FBH1: variants seen among roughly 807,000 people sequenced by gnomAD.
FBH1 encodes the protein DNA 3'-5' helicase 1.
FBH1 carries 43 observed loss-of-function variants against 115.5 expected under a neutral mutation model. The observed-to-expected ratio is 0.37, with a 90% CI of 0.29 to 0.48. The LOEUF (loss-of-function observed/expected upper bound fraction) is 0.48. Among genes scored for constraint, FBH1 ranks in the 20% least tolerant of loss-of-function variants. The pLI, the probability that FBH1 is intolerant of heterozygous loss-of-function variation, is 0.99. For missense variants in FBH1, 1,001 were observed against 1,337.3 expected (o/e 0.75, Z 3.92); for synonymous variants, 524 against 507.8 (o/e 1.03, Z -0.43).
intron 1 of FBH1, chr10:5,893,947 T>C: frequency 1.0e-6 from 1 of 976,904 alleles, no homozygotes; most frequent in Non-Finnish European, 1.2e-6. Flanking sequence ...ATCTTTCTCT[T>C]GTTTTTCAAA....
At position 5,932,716 on chromosome 10, in the gene FBH1, T is replaced by C. The variant is rs547458986; in HGVS notation, c.2830-3740T>C. 2.6e-5 allele frequency among the ~76,000 whole-genome samples: 4 copies of C among 152,050 alleles called. No individual in the cohort carries two copies. In the South Asian group the frequency reaches 8.3e-4, roughly 32 times the overall value. ...AAATGCAAGTGTGACTTTTCTGTTG[T>C]TTTGTTTTGTTTTGTTTTTGAGACA... On this transcript the variant is annotated intron_variant, in intron 19 of 20. Coordinates refer to ENST00000362091, the MANE Select transcript of FBH1 (RefSeq NM_178150.3). The surrounding 1 kb of genome is among the most constrained non-coding windows in gnomAD (Gnocchi z 5.9).
At chr10:5,901,377 T>C (rs621628) in intron 1 of FBH1, among the ~76,000 whole-genome samples, 67,551 of 151,436 alleles carry the variant, frequency 0.45, 15,894 homozygotes, top group East Asian at 0.68. Flanking sequence ...AGGCTGGTCT[T>C]GAACTCCTGA....
chr10:5,919,194 A>G lies in FBH1; in HGVS notation c.2100+716A>G, dbSNP rs138613690. Among the ~76,000 whole-genome samples, 1,112 of 152,316 alleles carry G rather than the reference A, an allele frequency of 7.3e-3. 13 individuals are homozygous for G. Among genetic ancestry groups the G allele is most frequent in the African/African-American group, 0.026 (1,062 of 41,558 alleles). ...AATATGTTCTTTATGTCATCATATA[A>G]GAGGCTTTTGGCTGGGCATGGTGGC... is the stretch of plus-strand genomic sequence containing the variant. On this transcript the variant is annotated intron_variant, in intron 13 of 20. Coordinates refer to ENST00000362091, the MANE Select transcript of FBH1 (RefSeq NM_178150.3).
Position 5,936,307 on chromosome 10 carries a change from A to G in FBH1, c.2830-149A>G, listed in dbSNP as rs921486073. ...TTTGGAGGCAGGGAAAAGTTAGAGG[A>G]AGTAAGGGAGAACGGGTTAGGCGGG... On this transcript the variant is annotated intron_variant, in intron 19 of 20. Coordinates refer to ENST00000362091, the MANE Select transcript of FBH1 (RefSeq NM_178150.3). The surrounding 1 kb of genome is among the most constrained non-coding windows in gnomAD (Gnocchi z 5.6). 1 of 768,118 alleles carries G rather than the reference A, an allele frequency of 1.3e-6. No homozygotes were observed. Among genetic ancestry groups the G allele is most frequent in the Non-Finnish European group, 2.0e-6 (1 of 489,990 alleles). The allele number at this position is 768,118 out of a possible 1,614,324, so 47.6% of individuals were successfully genotyped here. A position where few individuals can be genotyped will look rare whatever the true frequency, so the allele number is the denominator to read the frequency against.
rs888608776 is a variant in FBH1 at position 5,915,694 on chromosome 10, C to T, written c.1565+123C>T. ...CCCGAGGAGTGTAGTGCTGTTATCT[C>T]CACTTACAGGCAGGAAACAAATACA... is the stretch of plus-strand genomic sequence containing the variant. On this transcript the variant is annotated intron_variant, in intron 9 of 20. Transcript: ENST00000362091. The surrounding 1 kb of genome is among the most constrained non-coding windows in gnomAD (Gnocchi z 5.2). 2.5e-6 allele frequency: 2 copies of T among 814,672 alleles called. No homozygotes were observed. Among genetic ancestry groups the T allele is most frequent in the South Asian group, 1.7e-5 (1 of 57,184 alleles). The allele number at this position is 814,672 out of a possible 1,614,324, so 50.5% of individuals were successfully genotyped here.
At position 5,914,115 on chromosome 10, in the gene FBH1, G is replaced by C. The variant is rs1202803649; in HGVS notation, c.1305-63G>C. The C allele has an allele frequency of 2.0e-6, 3 of 1,518,794 alleles. No individual in the cohort carries two copies. The highest frequency in any genetic ancestry group is 1.7e-5 in the Admixed American group (1 of 59,682). 94.1% of individuals were successfully genotyped at this position (1,518,794 alleles called of 1,614,324 possible). ...AGTTTGTATGTTTGGTTTTTGGACT[G>C]TCTATCCCCTGGACTTTTCACGTCT... On this transcript the variant is annotated intron_variant, in intron 7 of 20. Transcript: ENST00000362091. The surrounding 1 kb of genome is among the most constrained non-coding windows in gnomAD (Gnocchi z 5.2).
chr10:5,928,072 CAAAAAA>C (rs1010342333), intron 19 of FBH1, among the ~76,000 whole-genome samples: 1 of 24,752 alleles, frequency 4.0e-5, no homozygotes, highest in Admixed American at 4.3e-4. Context: ...GACTCCATCT[CAAAAAA>C]AAAAAAAAAA....
chr10:5,924,482 G>T lies in FBH1; in HGVS notation c.2570G>T (p.Cys857Phe), dbSNP rs763627717. 3.1e-6 allele frequency: 5 copies of T among 1,613,876 alleles called. No individual in the cohort carries two copies. The highest frequency in any genetic ancestry group is 1.1e-5 in the South Asian group (1 of 91,082). ...IPELVQRIEK[C>F]HIEDLDFAEY... ...GAGCTGGTGCAAAGGATAGAAAAAT[G>T]CCATATAGAAGATTTGGACTTTGCA... Residue 857 changes from cysteine (C) to phenylalanine (F), a missense_variant, in exon 17 of 21, where the codon TGC (cysteine) becomes TTC (phenylalanine). This residue lies in a region of FBH1 where 521 missense variants were observed against 811.0 expected (regional missense o/e 0.64). Transcript: ENST00000362091. This position sits in a 1 kb window ranked among gnomAD's most constrained non-coding sequence, Gnocchi z 6.2.
intron 19 of FBH1, among the ~76,000 whole-genome samples, chr10:5,929,085 T>TAA (rs1832822476): frequency 6.6e-6 from 1 of 152,194 alleles, no homozygotes; most frequent in Non-Finnish European, 1.5e-5. Context: ...CTGATGCTCA[T>TAA]AATGGAATAT....
Position 5,924,785 on chromosome 10 carries a change from C to T in FBH1, c.2596+277C>T, listed in dbSNP as rs1436480980. ...CTCACCATGTTGGCCAGGCTGGTCT[C>T]GAACTCCCAACCTCAGGTAATCTGC... On this transcript the variant is annotated intron_variant, in intron 17 of 20. Transcript: ENST00000362091. The surrounding 1 kb of genome is among the most constrained non-coding windows in gnomAD (Gnocchi z 6.2). The T allele has an allele frequency of 1.2e-5, 6 of 512,150 alleles. No homozygotes were observed. Among genetic ancestry groups the T allele is most frequent in the African/African-American group, 3.8e-5 (2 of 52,296 alleles). The allele number at this position is 512,150 out of a possible 1,614,324, so 31.7% of individuals were successfully genotyped here. A position where few individuals can be genotyped will look rare whatever the true frequency, so the allele number is the denominator to read the frequency against.
chr10:5,923,631 C>A lies in FBH1; in HGVS notation c.2333C>A (p.Ser778Ter). ...AAAAAACTTTTTCAGGGGATTAAAT[C>A]ATTTGGATTGGACAGAATCATTGAT... ...SRIHLIGGIK[S>*]FGLDRIIDIW... The change falls in exon 16 of 21, where the codon TCA (serine) becomes TAA (stop). Residue 778 changes from serine to a stop codon, truncating the protein, a stop_gained. Transcript: ENST00000362091. LOFTEE classifies it high-confidence loss of function. This position sits in a 1 kb window ranked among gnomAD's most constrained non-coding sequence, Gnocchi z 5.7. 1 of 1,612,708 alleles carries A rather than the reference C, an allele frequency of 6.2e-7. No homozygotes were observed. Among genetic ancestry groups the A allele is most frequent in the Non-Finnish European group, 8.5e-7 (1 of 1,179,608 alleles).
In FBH1 at chr10:5,923,538, A is replaced by G; in HGVS notation, c.2323-83A>G. 1 of 1,209,478 alleles carries G rather than the reference A, an allele frequency of 8.3e-7. No homozygotes were observed. 74.9% of individuals were successfully genotyped at this position (1,209,478 alleles called of 1,614,324 possible). ...AAAACCCCATCCCTGCATTTGCTTT[A>G]TTTTGTTTTGTTAAAGCAACAACAA... On this transcript the variant is annotated intron_variant, in intron 15 of 20. Transcript: ENST00000362091. This position sits in a 1 kb window ranked among gnomAD's most constrained non-coding sequence, Gnocchi z 5.7.
intron 13 of FBH1, among the ~76,000 whole-genome samples, chr10:5,919,995 A>G (rs1378272036): frequency 1.3e-5 from 2 of 152,230 alleles, no homozygotes; most frequent in Non-Finnish European, 2.9e-5. Context: ...ACTGAAGTCC[A>G]TGGTTCATTT....
At position 5,933,852 on chromosome 10, in the gene FBH1, A is replaced by G. The variant is rs1833131728; in HGVS notation, c.2830-2604A>G. Among the ~76,000 whole-genome samples the G allele has an allele frequency of 6.6e-6, 1 of 151,846 alleles. No individual in the cohort carries two copies. The highest frequency in any genetic ancestry group is 1.5e-5 in the Non-Finnish European group (1 of 67,978). On this transcript the variant is annotated intron_variant, in intron 19 of 20. Transcript: ENST00000362091. This position sits in a 1 kb window ranked among gnomAD's most constrained non-coding sequence, Gnocchi z 4.9. The stretch of plus-strand genomic sequence containing the variant: ...TTTTTGTTAAAGACGAGGTTTCACC[A>G]TGTTGGCCAGGCTGGTCTCAAACTC...
chr10:5,906,716 T>C lies in FBH1; in HGVS notation c.753+84T>C. 4.2e-6 allele frequency: 5 copies of C among 1,195,272 alleles called. No homozygotes were observed. In the South Asian group the frequency reaches 7.3e-5, roughly 17 times the overall value. 74.0% of individuals were successfully genotyped at this position (1,195,272 alleles called of 1,614,324 possible). On this transcript the variant is annotated intron_variant, in intron 3 of 20. Coordinates refer to ENST00000362091, the MANE Select transcript of FBH1 (RefSeq NM_178150.3). The surrounding 1 kb of genome is among the most constrained non-coding windows in gnomAD (Gnocchi z 7.3). ...GCACGCTTATAATCAGAGGATCTTTTCAGAAATGGTTTCCATTTGCCTTCA... is the reference window on the plus strand; with the variant it reads ...GCACGCTTATAATCAGAGGATCTTTCCAGAAATGGTTTCCATTTGCCTTCA...
chr10:5,905,961 G>C (rs913219169), intron 2 of FBH1, 76 bp from the exon 3 acceptor site: 2 of 1,003,972 alleles, frequency 2.0e-6, no homozygotes, highest in South Asian at 3.3e-5. Flanking sequence ...GAAAATTAGT[G>C]TGTCTTATAT....
At chr10:5,912,471 C>G (rs1303057046) in intron 6 of FBH1, among the ~76,000 whole-genome samples, 1 of 144,116 alleles carries the variant, frequency 6.9e-6, no homozygotes, top group Non-Finnish European at 1.5e-5. Context: ...GTGCAGCCAT[C>G]CTGGAGAAGC....
chr10:5,907,316 C>T (rs1391294661), intron 3 of FBH1, among the ~76,000 whole-genome samples: 3 of 151,770 alleles, frequency 2.0e-5, no homozygotes, highest in Non-Finnish European at 4.4e-5. Context: ...GCAATAAACC[C>T]CTCTCTTAAA....
chr10:5,937,362 T>C lies in FBH1; in HGVS notation c.*82T>C. ...GAAAGCCAGCGAGGGGGGCTTCTGC[T>C]CCCTGAGACTCTGGGTTCACCCACA... On this transcript the variant is annotated 3_prime_UTR_variant, in exon 21 of 21. Coordinates refer to ENST00000362091, the MANE Select transcript of FBH1 (RefSeq NM_178150.3). The C allele has an allele frequency of 7.3e-7, 1 of 1,371,384 alleles. No individual in the cohort carries two copies. The highest frequency in any genetic ancestry group is 9.6e-7 in the Non-Finnish European group (1 of 1,043,792). 85.0% of individuals were successfully genotyped at this position (1,371,384 alleles called of 1,614,324 possible).
Sources: gnomAD v4.1 joint callset for allele counts (sites outside exome capture counted in the v4.1 genomes callset) on GRCh38, gnomAD v4.1.1 for gene constraint, gnomAD v4.1.1 regional missense constraint, Gnocchi (gnomAD v3.1) non-coding constraint, MANE v1.5 for transcripts, NCBI Gene and HGNC (gene_info 2026-07-23, HGNC 2026-07-21) for gene names.